CTTNBP2NL: variants seen among roughly 807,000 people sequenced by gnomAD.
The protein encoded by CTTNBP2NL is CTTNBP2 N-terminal-like protein.
A neutral mutation model predicts 32.5 loss-of-function variants in CTTNBP2NL; 16 were observed. That is an observed-to-expected ratio of 0.49 (90% CI 0.33 to 0.75). The LOEUF (loss-of-function observed/expected upper bound fraction) is 0.75, where lower values mean the gene tolerates loss of function less well. Among genes scored for constraint, CTTNBP2NL ranks in the 30% least tolerant of loss-of-function variants. The pLI is 0.02. For missense variants in CTTNBP2NL, 645 were observed against 756.0 expected (o/e 0.85, Z 1.72); for synonymous variants, 298 against 289.4 (o/e 1.03, Z -0.30).
chr1:112,450,228 G>A (rs992870961), intron 4 of CTTNBP2NL, among the ~76,000 whole-genome samples: 1 of 152,140 alleles, frequency 6.6e-6, no homozygotes, highest in African/African-American at 2.4e-5. Flanking sequence ...TCCCTTCACA[G>A]AAGCCAAATG....
chr1:112,417,706 A>G (rs1256252393), intron 3 of CTTNBP2NL, among the ~76,000 whole-genome samples: 1 of 152,246 alleles, frequency 6.6e-6, no homozygotes, highest in Non-Finnish European at 1.5e-5. Context: ...CAGAAGTGAC[A>G]TATCTTTAAA....
At chr1:112,447,272 T>TAAAAA (rs35522134) in intron 3 of CTTNBP2NL, among the ~76,000 whole-genome samples, 11 of 69,688 alleles carry the variant, frequency 1.6e-4, no homozygotes, top group African/African-American at 2.7e-4. Flanking sequence ...AGACTCCATC[T>TAAAAA]AAAAAAAAAA....
intron 1 of CTTNBP2NL, among the ~76,000 whole-genome samples, chr1:112,403,655 C>G (rs1475928308): frequency 1.3e-5 from 2 of 152,184 alleles, no homozygotes; most frequent in African/African-American, 4.8e-5. Flanking sequence ...AAAGTTGTGA[C>G]TTGATTAAAA....
chr1:112,397,478 C>T (rs1292884339), intron 1 of CTTNBP2NL, among the ~76,000 whole-genome samples: 2 of 152,124 alleles, frequency 1.3e-5, no homozygotes, highest in Non-Finnish European at 2.9e-5. Flanking sequence ...GTTTTACGAT[C>T]ATCTATCAAA....
In CTTNBP2NL at chr1:112,456,504, C is replaced by A; in HGVS notation, c.1012C>A (p.Pro338Thr). ...AKMTNTGLPG[P>T]ATPAYSYAKT... ...GATGACAAACACTGGGCTGCCTGGT[C>A]CTGCCACTCCTGCTTACTCATATGC... Residue 338 changes from proline to threonine, a missense_variant, in exon 6 of 6, where the codon CCT becomes ACT. Pro to Thr is a conservative substitution (Grantham distance 38). Coordinates refer to ENST00000271277, the MANE Select transcript of CTTNBP2NL (RefSeq NM_018704.3). 4 of 1,614,134 alleles carry A rather than the reference C, an allele frequency of 2.5e-6. No homozygotes were observed. The highest frequency in any genetic ancestry group is 2.5e-6 in the Non-Finnish European group (3 of 1,180,006).
intron 5 of CTTNBP2NL, 99 bp downstream of exon 5, chr1:112,454,655 C>T (rs1336782077): frequency 3.4e-6 from 3 of 877,462 alleles, no homozygotes; most frequent in Non-Finnish European, 5.6e-6. Context: ...AGAAAAGGGG[C>T]TTTGTGGTCA....
chr1:112,448,012 C>A (rs1650105353), intron 3 of CTTNBP2NL, among the ~76,000 whole-genome samples: 1 of 152,180 alleles, frequency 6.6e-6, no homozygotes, highest in African/African-American at 2.4e-5. Context: ...TCAAGCTCTT[C>A]CTACAGAGAT....
intron 5 of CTTNBP2NL, 105 bp downstream of exon 5, chr1:112,454,661 G>T: frequency 1.2e-6 from 1 of 838,226 alleles, no homozygotes; most frequent in South Asian, 1.6e-5. Context: ...GGGGCTTTGT[G>T]GTCAAATAAG....
intron 3 of CTTNBP2NL, among the ~76,000 whole-genome samples, chr1:112,446,672 T>C (rs543502070): frequency 1.3e-5 from 2 of 152,304 alleles, no homozygotes; most frequent in African/African-American, 4.8e-5. Context: ...TGCTTCAGCC[T>C]CCCAAGTAGC....
chr1:112,426,035 C>T (rs924415673), intron 3 of CTTNBP2NL, among the ~76,000 whole-genome samples: 2 of 147,916 alleles, frequency 1.4e-5, no homozygotes, highest in East Asian at 2.0e-4. Context: ...GCTAGAACTT[C>T]AGTACAATGT....
chr1:112,438,079 T>C (rs1028501147), intron 3 of CTTNBP2NL, among the ~76,000 whole-genome samples: 13 of 152,146 alleles, frequency 8.5e-5, no homozygotes, highest in African/African-American at 3.1e-4. Context: ...GTTTTTATAG[T>C]TTTTGGGTTT....
At chr1:112,396,943 C>A (rs1056616826) in intron 1 of CTTNBP2NL, among the ~76,000 whole-genome samples, 1 of 152,212 alleles carries the variant, frequency 6.6e-6, no homozygotes, top group Non-Finnish European at 1.5e-5. Flanking sequence ...CTAGGACCTC[C>A]TCTCCTTCAC....
At chr1:112,447,832 T>C (rs777381168) in intron 3 of CTTNBP2NL, among the ~76,000 whole-genome samples, 7 of 152,244 alleles carry the variant, frequency 4.6e-5, no homozygotes, top group Non-Finnish European at 8.8e-5. Flanking sequence ...CATAACCAGA[T>C]TTAATTTGAA....
rs1649467255 is a variant in CTTNBP2NL, at chr1:112,428,484, G to A, written c.99+12220G>A. Among the ~76,000 whole-genome samples the A allele has an allele frequency of 2.0e-5, 3 of 152,178 alleles. No individual in the cohort carries two copies. In the South Asian group the frequency reaches 6.2e-4, roughly 32 times the overall value. ...CCAACCCACCTGAAATAACTCAACTGAATCTGCCTAAAAAACCAACCTAAA... is the reference window on the plus strand; with the variant it reads ...CCAACCCACCTGAAATAACTCAACTAAATCTGCCTAAAAAACCAACCTAAA... On this transcript the variant is annotated intron_variant, in intron 3 of 5. Coordinates refer to ENST00000271277, the MANE Select transcript of CTTNBP2NL (RefSeq NM_018704.3).
intron 3 of CTTNBP2NL, among the ~76,000 whole-genome samples, chr1:112,425,885 A>G (rs1649378113): frequency 6.6e-6 from 1 of 151,566 alleles, no homozygotes; most frequent in East Asian, 1.9e-4. Flanking sequence ...AGTCGTTTCC[A>G]TTGGATTTTC....
Position 112,457,444 on chromosome 1 carries a change from C to A in CTTNBP2NL, c.*32C>A, listed in dbSNP as rs530259421. 1.3e-6 allele frequency: 2 copies of A among 1,556,470 alleles called. No individual in the cohort carries two copies. Among genetic ancestry groups the A allele is most frequent in the Middle Eastern group, 3.5e-4 (2 of 5,778 alleles). On this transcript the variant is annotated 3_prime_UTR_variant, in exon 6 of 6. Transcript: ENST00000271277. ...GGAGGGAGTCTCCACGTTTGACATT[C>A]CATCAGATTTCGTCCAAAAGCTCAG...
intron 3 of CTTNBP2NL, among the ~76,000 whole-genome samples, chr1:112,443,679 C>T (rs184683581): frequency 6.6e-6 from 1 of 152,168 alleles, no homozygotes; most frequent in African/African-American, 2.4e-5. Flanking sequence ...ACAATTTTCT[C>T]TCTTTACTGT....
chr1:112,446,369 C>CA (rs1027946286), intron 3 of CTTNBP2NL, among the ~76,000 whole-genome samples: 1 of 146,906 alleles, frequency 6.8e-6, no homozygotes, highest in South Asian at 2.2e-4. Flanking sequence ...CTGTCTCAAA[C>CA]AAAAAAGAAA....
intron 1 of CTTNBP2NL, among the ~76,000 whole-genome samples, chr1:112,406,138 C>T (rs1234329061): frequency 6.6e-6 from 1 of 151,502 alleles, no homozygotes; most frequent in African/African-American, 2.4e-5. Context: ...GAGCCGAGAT[C>T]GCGCCATTGC....
Sources: allele counts gnomAD v4.1 joint callset (sites outside exome capture counted in the v4.1 genomes callset), GRCh38; gene constraint gnomAD v4.1.1; transcripts MANE v1.5; gene names NCBI Gene and HGNC (gene_info 2026-07-23, HGNC 2026-07-21).